Variants in KAZN observed in about 807,000 individuals in gnomAD.
KAZN encodes kazrin, periplakin interacting protein, also known as kazrin.
Under a neutral mutation model 87.4 loss-of-function variants are expected in KAZN, and 40 were observed. That is an observed-to-expected ratio of 0.46 (90% CI 0.36 to 0.60). KAZN has a LOEUF of 0.60. Among genes scored for constraint, KAZN ranks in the 20% least tolerant of loss-of-function variants. KAZN has a pLI of 0.00. For synonymous variants in KAZN, 466 were observed against 458.3 expected (o/e 1.02, Z -0.22); for missense variants, 898 against 1,073.9 (o/e 0.84, Z 2.29).
chr1:14,377,532 C>T lies in KAZN; in HGVS notation c.249+196940C>T, dbSNP rs189585741. 1.2e-3 allele frequency among the ~76,000 whole-genome samples: 186 copies of T among 152,336 alleles called. 2 individuals carry two copies. Among genetic ancestry groups the T allele is most frequent in the Non-Finnish European group, 2.4e-3 (163 of 68,044 alleles). ...TTCTCAACAATCTCGACTCCTCATA[C>T]TCTATTTTTCACAATGGGCCAGGTC... On this transcript the variant is annotated intron_variant, in intron 2 of 16. Coordinates refer to the KAZN transcript ENST00000636203.
intron 1 of KAZN, among the ~76,000 whole-genome samples, chr1:14,787,944 G>A (rs954386103): frequency 6.6e-6 from 1 of 152,206 alleles, no homozygotes; most frequent in African/African-American, 2.4e-5. Context: ...TTAGGACCAT[G>A]TCAGTGGCCC....
At chr1:14,665,139 T>A (rs1469745802) in intron 1 of KAZN, among the ~76,000 whole-genome samples, 4 of 152,192 alleles carry the variant, frequency 2.6e-5, no homozygotes, top group Admixed American at 2.6e-4. Context: ...TCCACTTAGA[T>A]ACCTGTGACC....
At chr1:15,070,985 G>C (rs1454814685) in intron 8 of KAZN, among the ~76,000 whole-genome samples, 1 of 152,188 alleles carries the variant, frequency 6.6e-6, no homozygotes, top group Admixed American at 6.5e-5. Flanking sequence ...GCCCCCACCT[G>C]TTCCCATTTT....
intron 2 of KAZN, among the ~76,000 whole-genome samples, chr1:14,347,028 A>G (rs1658154396): frequency 6.6e-6 from 1 of 152,226 alleles, no homozygotes; most frequent in Non-Finnish European, 1.5e-5. Flanking sequence ...TGACCATGAG[A>G]TAAAGGAAAA....
chr1:14,130,739 T>C (rs1288119580), intron 1 of KAZN, among the ~76,000 whole-genome samples: 1 of 152,186 alleles, frequency 6.6e-6, no homozygotes, highest in Admixed American at 6.5e-5. Context: ...ATATTACCAC[T>C]GAGTGTGCTG....
intron 1 of KAZN, among the ~76,000 whole-genome samples, chr1:14,719,613 C>T (rs928499165): frequency 7.9e-5 from 12 of 152,152 alleles, no homozygotes; most frequent in African/African-American, 1.4e-4. Flanking sequence ...CCAAGGCGGG[C>T]GGATCACCTG....
At chr1:13,894,199 G>A (rs1402037843) in intron 1 of KAZN, among the ~76,000 whole-genome samples, 1 of 152,150 alleles carries the variant, frequency 6.6e-6, no homozygotes, top group African/African-American at 2.4e-5. Context: ...AGCCCCTGCT[G>A]GAGTAACTTC....
In KAZN at chr1:14,417,663, G is replaced by T. The variant is rs558083109; in HGVS notation, c.250-181320G>T. Among the ~76,000 whole-genome samples, 3 of 152,052 alleles carry T rather than the reference G, an allele frequency of 2.0e-5. No individual in the cohort carries two copies. In the East Asian group the frequency reaches 5.8e-4, roughly 29 times the overall value. ...GGAAAGAACAGCCTTGGTCTTTGGG[G>T]CCATCAGAAAAAGACTGTCATCTGA... On this transcript the variant is annotated intron_variant, in intron 2 of 16. Coordinates refer to the KAZN transcript ENST00000636203.
chr1:14,679,542 T>A (rs762997660), intron 1 of KAZN, among the ~76,000 whole-genome samples: 1 of 152,154 alleles, frequency 6.6e-6, no homozygotes, highest in Admixed American at 6.5e-5. Flanking sequence ...GGTTGTTTGC[T>A]GTCTCTAGGA....
intron 1 of KAZN, among the ~76,000 whole-genome samples, chr1:14,658,033 C>T (rs767340840): frequency 3.3e-5 from 5 of 152,154 alleles, no homozygotes; most frequent in Non-Finnish European, 7.3e-5. Context: ...GCTGGTGTCC[C>T]AGACCCTGGA....
intron 1 of KAZN, among the ~76,000 whole-genome samples, chr1:14,158,889 A>G (rs1645651414): frequency 6.6e-6 from 1 of 152,102 alleles, no homozygotes; most frequent in African/African-American, 2.4e-5. Context: ...CTTGGGTAAT[A>G]TCTGAAATAA....
chr1:14,470,462 A>T (rs1373223501), intron 2 of KAZN, among the ~76,000 whole-genome samples: 1 of 152,196 alleles, frequency 6.6e-6, no homozygotes, highest in Non-Finnish European at 1.5e-5. Context: ...TGCCAAATCC[A>T]CCATTTGACA....
intron 1 of KAZN, among the ~76,000 whole-genome samples, chr1:14,654,753 A>T (rs530889115): frequency 2.7e-4 from 41 of 152,310 alleles, no homozygotes; most frequent in African/African-American, 9.6e-4. Flanking sequence ...GTACTGTGCA[A>T]GACTGGACAT....
intron 1 of KAZN, among the ~76,000 whole-genome samples, chr1:13,973,613 G>A (rs1161045519): frequency 1.3e-5 from 2 of 152,142 alleles, no homozygotes; most frequent in Non-Finnish European, 2.9e-5. Context: ...GTAGCCCAAG[G>A]GTACTGCATC....
chr1:14,109,697 G>A (rs1271297393), intron 1 of KAZN, among the ~76,000 whole-genome samples: 2 of 152,138 alleles, frequency 1.3e-5, no homozygotes, highest in African/African-American at 4.8e-5. Context: ...GAACCTGAGG[G>A]TAATTACTCT....
At chr1:14,115,089 T>C (rs1043326900) in intron 1 of KAZN, among the ~76,000 whole-genome samples, 1 of 152,216 alleles carries the variant, frequency 6.6e-6, no homozygotes, top group African/African-American at 2.4e-5. Flanking sequence ...AGAGCAGACA[T>C]TGATCTTCCA....
intron 1 of KAZN, among the ~76,000 whole-genome samples, chr1:14,022,485 C>CAAAAAAAAAAAAAAAAAAAAAA (rs58713618): frequency 1.8e-5 from 2 of 110,482 alleles, no homozygotes; most frequent in African/African-American, 3.3e-5. Context: ...GTATTTAAAG[C>CAAAAAAAAAAAAAAAAAAAAAA]AAAAAAAAAA....
intron 8 of KAZN, chr1:15,067,055 G>A: frequency 1.0e-6 from 1 of 985,720 alleles, no homozygotes; most frequent in Non-Finnish European, 1.2e-6. Flanking sequence ...TGGGACCCTG[G>A]CCTGAGTCTG....
intron 2 of KAZN, among the ~76,000 whole-genome samples, chr1:14,330,880 A>T (rs1347804420): frequency 1.3e-5 from 2 of 152,216 alleles, no homozygotes; most frequent in Non-Finnish European, 2.9e-5. Flanking sequence ...TCACTACCTG[A>T]CAAGTTCAAC....
Sources: gnomAD v4.1 joint callset for allele counts (sites outside exome capture counted in the v4.1 genomes callset) on GRCh38, gnomAD v4.1.1 for gene constraint, MANE v1.5 for transcripts, NCBI Gene and HGNC (gene_info 2026-07-23, HGNC 2026-07-21) for gene names.